The following ABHD2 variants were observed in gnomAD, a reference collection of about 807,000 sequenced individuals.
The protein encoded by ABHD2 is monoacylglycerol lipase ABHD2.
ABHD2 carries 20 observed loss-of-function variants against 48.1 expected under a neutral mutation model. The observed-to-expected ratio is 0.42, with a 90% CI of 0.29 to 0.60. The LOEUF is 0.60. Among genes scored for constraint, ABHD2 ranks in the 20% least tolerant of loss-of-function variants. ABHD2 has a pLI of 0.24. For missense variants in ABHD2, 405 were observed against 550.9 expected (o/e 0.74, Z 2.65); for synonymous variants, 209 against 214.2 (o/e 0.98, Z 0.21).
At chr15:89,055,884 G>C in the ABHD2 span, among the ~76,000 whole-genome samples, 11 of 151,982 alleles carry the variant, frequency 7.2e-5, no homozygotes, top group African/African-American at 2.7e-4. Flanking sequence ...TGTTTTTACA[G>C]ACTGGGTCTC....
chr15:89,169,820 C>T (rs1818447875), intron 5 of ABHD2, among the ~76,000 whole-genome samples: 2 of 151,938 alleles, frequency 1.3e-5, no homozygotes, highest in Admixed American at 1.3e-4. Context: ...GAAATAAATA[C>T]ACATGAGAAA....
At chr15:89,134,485 T>C (rs1176871345) in intron 3 of ABHD2, among the ~76,000 whole-genome samples, 2 of 152,208 alleles carry the variant, frequency 1.3e-5, no homozygotes, top group East Asian at 3.8e-4. Context: ...TTGTGTTCTG[T>C]TGATGGTCCT....
intron 3 of ABHD2, among the ~76,000 whole-genome samples, chr15:89,123,922 A>G (rs545793916): frequency 6.6e-6 from 1 of 152,246 alleles, no homozygotes; most frequent in South Asian, 2.1e-4. Flanking sequence ...ATTATTTCTA[A>G]TAAAGCAGAG....
the ABHD2 span, among the ~76,000 whole-genome samples, chr15:89,050,779 C>A: frequency 6.6e-6 from 1 of 152,290 alleles, no homozygotes; most frequent in Non-Finnish European, 1.5e-5. Flanking sequence ...CCTGAGTTAC[C>A]CCCATGAGTT....
rs1334711898 is a variant in ABHD2, at chr15:89,091,418, T to G, written c.-107+2855T>G. 6.6e-6 allele frequency among the ~76,000 whole-genome samples: 1 copy of G among 152,206 alleles called. No individual in the cohort carries two copies. The highest frequency in any genetic ancestry group is 2.4e-5 in the African/African-American group (1 of 41,446). ...CCATTTTAGAATAATAGTTTTCATT[T>G]CTTTGCTTGTGTATTAATATGGGCC... On this transcript the variant is annotated intron_variant, in intron 1 of 10. Coordinates refer to ENST00000352732, the MANE Select transcript of ABHD2 (RefSeq NM_152924.5). The surrounding 1 kb of genome is among the most constrained non-coding windows in gnomAD (Gnocchi z 5.5).
chr15:89,170,679 G>T (rs74659757), intron 5 of ABHD2, among the ~76,000 whole-genome samples: 8,351 of 152,230 alleles, frequency 0.055, 815 homozygotes, highest in African/African-American at 0.19. Context: ...CAGAGGGCCT[G>T]TTACCCACAC....
chr15:89,077,988 C>T, the ABHD2 span, among the ~76,000 whole-genome samples: 1 of 152,298 alleles, frequency 6.6e-6, no homozygotes, highest in South Asian at 2.1e-4. Flanking sequence ...GTCATATTTT[C>T]CCTTTCCCTT....
chr15:89,079,163 A>T, the ABHD2 span, among the ~76,000 whole-genome samples: 3 of 152,208 alleles, frequency 2.0e-5, no homozygotes, highest in Admixed American at 6.5e-5. This position sits in a 1 kb window ranked among gnomAD's most constrained non-coding sequence, Gnocchi z 4.3. Context: ...ATTTTATGTA[A>T]AATGTAGATT....
chr15:89,127,954 T>TA (rs1435261204), intron 3 of ABHD2, among the ~76,000 whole-genome samples: 2 of 152,050 alleles, frequency 1.3e-5, no homozygotes, highest in Non-Finnish European at 2.9e-5. Context: ...CATTGGCTCT[T>TA]ACCTAAGGAC....
chr15:89,171,160 G>A (rs2050921319), intron 5 of ABHD2, among the ~76,000 whole-genome samples: 1 of 152,120 alleles, frequency 6.6e-6, no homozygotes, highest in Non-Finnish European at 1.5e-5. Context: ...TGTCAACTAG[G>A]ACAATGGTTC....
At position 89,174,974 on chromosome 15, in the gene ABHD2, C is replaced by T. The variant is rs1364092149; in HGVS notation, c.539-838C>T. Among the ~76,000 whole-genome samples the T allele has an allele frequency of 6.6e-6, 1 of 152,190 alleles. No individual in the cohort carries two copies. The highest frequency in any genetic ancestry group is 2.1e-4 in the South Asian group (1 of 4,828). ...TCTGTGTATTTTTGAATGAGCCTGCCTCCCTTGGCACCCTGTCCCTATGTC... is the reference window on the plus strand; with the variant it reads ...TCTGTGTATTTTTGAATGAGCCTGCTTCCCTTGGCACCCTGTCCCTATGTC... On this transcript the variant is annotated intron_variant, in intron 5 of 10. Coordinates refer to ENST00000352732, the MANE Select transcript of ABHD2 (RefSeq NM_152924.5). This position sits in a 1 kb window ranked among gnomAD's most constrained non-coding sequence, Gnocchi z 4.1.
At position 89,146,404 on chromosome 15, in the gene ABHD2, A is replaced by T. The variant is rs1247467929; in HGVS notation, c.195-5273A>T. On this transcript the variant is annotated intron_variant, in intron 3 of 10. Transcript: ENST00000352732. This position sits in a 1 kb window ranked among gnomAD's most constrained non-coding sequence, Gnocchi z 4.2. ...TGTGTGTGTGTGTGTGTGTGTACGT[A>T]TGTATATGGGGGGTGGGAGGGAGAT... 8.7e-6 allele frequency among the ~76,000 whole-genome samples: 1 copy of T among 114,984 alleles called. No individual in the cohort carries two copies. Among genetic ancestry groups the T allele is most frequent in the South Asian group, 3.2e-4 (1 of 3,128 alleles). 75.4% of individuals were successfully genotyped at this position (114,984 alleles called of 152,430 possible). A position where few individuals can be genotyped will look rare whatever the true frequency, so the allele number is the denominator to read the frequency against.
Position 89,185,579 on chromosome 15 carries a change from C to CA in ABHD2, c.815+63_815+64insA. ...TTCCTTCCTGAGCTCATCTGGGAAC[C>CA]GTGAAAAGCCAGGACTCCTGTTCCT... On this transcript the variant is annotated intron_variant, in intron 7 of 10. Transcript: ENST00000352732. This position sits in a 1 kb window ranked among gnomAD's most constrained non-coding sequence, Gnocchi z 5.9. 1.4e-6 allele frequency: 2 copies of CA among 1,477,228 alleles called. No individual in the cohort carries two copies. The highest frequency in any genetic ancestry group is 1.9e-6 in the Non-Finnish European group (2 of 1,061,138). The allele number at this position is 1,477,228 out of a possible 1,614,324, so 91.5% of individuals were successfully genotyped here.
At chr15:89,070,659 A>C in the ABHD2 span, among the ~76,000 whole-genome samples, 1 of 152,202 alleles carries the variant, frequency 6.6e-6, no homozygotes, top group African/African-American at 2.4e-5. Context: ...GGAAAGAATG[A>C]GAGACATGAT....
intron 3 of ABHD2, among the ~76,000 whole-genome samples, chr15:89,123,632 C>CT: frequency 9.0e-6 from 1 of 111,468 alleles, no homozygotes; most frequent in East Asian, 2.9e-4. Context: ...ATGTCTCACT[C>CT]TATTACCCAG....
chr15:89,057,069 A>G, the ABHD2 span, among the ~76,000 whole-genome samples: 3 of 151,810 alleles, frequency 2.0e-5, no homozygotes, highest in Non-Finnish European at 4.4e-5. Flanking sequence ...ACACGCCACC[A>G]CGCCCGGCTA....
At chr15:89,081,045 G>T in the ABHD2 span, among the ~76,000 whole-genome samples, 2 of 150,506 alleles carry the variant, frequency 1.3e-5, no homozygotes, top group Non-Finnish European at 3.0e-5. Context: ...TGTCTCCCTG[G>T]CTGGAGTACA....
chr15:89,187,874 GC>G (rs35896013), intron 7 of ABHD2, among the ~76,000 whole-genome samples: 1 of 152,258 alleles, frequency 6.6e-6, no homozygotes, highest in Non-Finnish European at 1.5e-5. Context: ...TAAGGACGAC[GC>G]CCCTACGGCT....
the ABHD2 span, among the ~76,000 whole-genome samples, chr15:89,048,859 C>T: frequency 1.0e-4 from 15 of 150,020 alleles, no homozygotes; most frequent in East Asian, 2.3e-3. Flanking sequence ...TCCCGTAGCT[C>T]GGAGTAATTT....
Sources: allele counts gnomAD v4.1 joint callset (sites outside exome capture counted in the v4.1 genomes callset), GRCh38; gene constraint gnomAD v4.1.1; non-coding constraint Gnocchi (gnomAD v3.1); transcripts MANE v1.5; gene names NCBI Gene and HGNC (gene_info 2026-07-23, HGNC 2026-07-21).